Variants in ORC5 observed in about 807,000 individuals in gnomAD.
ORC5 encodes protein phosphatase 1, regulatory subunit 117.
ORC5 carries 39 observed loss-of-function variants against 58.8 expected under a neutral mutation model. That is an observed-to-expected ratio of 0.66 (90% CI 0.51 to 0.87). ORC5 has a LOEUF of 0.87. Ranked by LOEUF, ORC5 falls within the 40% of genes least tolerant of loss-of-function variation. The probability of loss-of-function intolerance (pLI) is 0.00; values close to 1 mark genes in which losing one functional copy is unlikely to be tolerated. For missense variants in ORC5, 493 were observed against 506.3 expected, an observed-to-expected ratio of 0.97 and a Z score of 0.25; for synonymous variants, 218 against 177.6, an observed-to-expected ratio of 1.23 and a Z score of -1.81.
At chr7:104,188,637 G>A (rs1219502929) in intron 5 of ORC5, among the ~76,000 whole-genome samples, 2 of 152,122 alleles carry the variant, frequency 1.3e-5, no homozygotes, top group African/African-American at 2.4e-5. Context: ...AAGGATAAGA[G>A]GAGTATCTTT....
intron 8 of ORC5, among the ~76,000 whole-genome samples, chr7:104,181,420 CTCTTTA>C (rs150096194): frequency 0.015 from 2,245 of 152,146 alleles, 56 homozygotes; most frequent in African/African-American, 0.051. Flanking sequence ...AATTTGCTCT[CTCTTTA>C]TAACAGGATA....
intron 2 of ORC5, chr7:104,202,320 A>G (rs1469945565): frequency 4.7e-6 from 1 of 214,200 alleles, no homozygotes; most frequent in Non-Finnish European, 9.8e-6. Context: ...ACTTTATCCA[A>G]TAAGGAGGCT....
rs551907249 is a variant in ORC5, at chr7:104,184,403, G to A, written c.685-232C>T. The A allele has an allele frequency of 7.0e-5, 32 of 458,752 alleles. No individual in the cohort carries two copies. The East Asian group carries it at 1.1e-3, about 16-fold the overall frequency. 28.4% of individuals were successfully genotyped at this position (458,752 alleles called of 1,614,324 possible). ...ATCAAGCCTGTAGTGTGCTGTGACT[G>A]CACCTGTGAACAGCCACTGCACTCC... is the stretch of plus-strand genomic sequence containing the variant. On this transcript the variant is annotated intron_variant, in intron 6 of 13. Transcript: ENST00000297431.
rs34769476 is a variant in ORC5 at position 104,179,109 on chromosome 7, ATTTTTT to A, written c.824+4828_824+4833del. On this transcript the variant is annotated intron_variant, in intron 8 of 13. Transcript: ENST00000297431. Reference sequence around the variant, plus strand: ...AAAAGAAGGTTAAAAAGAAAAGTGAATTTTTTTTTTTTTTTTTTTTTAAGAGACAGG... The same window carrying A: ...AAAAGAAGGTTAAAAAGAAAAGTGAATTTTTTTTTTTTTTTAAGAGACAGG... Among the ~76,000 whole-genome samples, 3 of 138,446 alleles carry A rather than the reference ATTTTTT, an allele frequency of 2.2e-5. No individual in the cohort carries two copies. In the South Asian group the frequency reaches 6.9e-4, roughly 32 times the overall value. 90.8% of individuals were successfully genotyped at this position (138,446 alleles called of 152,430 possible). A position where few individuals can be genotyped will look rare whatever the true frequency, so the allele number is the denominator to read the frequency against.
At chr7:104,147,106 C>A (rs779036236) in intron 12 of ORC5, among the ~76,000 whole-genome samples, 13 of 152,064 alleles carry the variant, frequency 8.5e-5, no homozygotes, top group Non-Finnish European at 1.5e-4. Flanking sequence ...AGCTATGAAG[C>A]TAAAAAAATC....
At chr7:104,152,212 A>C (rs1453334383) in intron 12 of ORC5, among the ~76,000 whole-genome samples, 1 of 152,120 alleles carries the variant, frequency 6.6e-6, no homozygotes, top group Non-Finnish European at 1.5e-5. Flanking sequence ...GCAGTGGTAC[A>C]ATCACAGCCC....
intron 12 of ORC5, among the ~76,000 whole-genome samples, chr7:104,149,642 A>T (rs1798814038): frequency 6.6e-6 from 1 of 152,090 alleles, no homozygotes; most frequent in Admixed American, 6.5e-5. Flanking sequence ...AAAAATTGTT[A>T]TTTTTTTGTC....
Position 104,200,829 on chromosome 7 carries a change from A to G in ORC5, c.295T>C (p.Phe99Leu). The change falls in exon 3 of 14, where the codon TTT becomes CTT. Residue 99 changes from phenylalanine (F) to leucine (L), a missense_variant. By Grantham distance (22) the Phe-to-Leu change is conservative. This residue lies in a region of ORC5 where 412 missense variants were observed against 403.7 expected (regional missense o/e 1.02). Transcript: ENST00000297431. ...TTAAACAAGCGAACAAAGTCATTAAATGTTTCACAGGTTATTTCAGTAGAA... is the reference window on the plus strand; with the variant it reads ...TTAAACAAGCGAACAAAGTCATTAAGTGTTTCACAGGTTATTTCAGTAGAA... ...GCSTEITCETFNDFVRLFKQV... is the reference protein window; with the variant it reads ...GCSTEITCETLNDFVRLFKQV... 1 of 1,613,284 alleles carries G rather than the reference A, an allele frequency of 6.2e-7. No homozygotes were observed. The highest frequency in any genetic ancestry group is 8.5e-7 in the Non-Finnish European group (1 of 1,179,264).
intron 9 of ORC5, 158 bp downstream of exon 9, chr7:104,168,315 A>G: frequency 4.1e-6 from 5 of 1,229,218 alleles, no homozygotes; most frequent in Non-Finnish European, 5.2e-6. Flanking sequence ...GCTTCAGTTA[A>G]AGAAAAATCA....
rs913588656 is a variant in ORC5, at chr7:104,129,928, T to A, written c.1263-3035A>T. The stretch of plus-strand genomic sequence containing the variant: ...GTTAATACAACTTAATTATATGGCA[T>A]ATATTTAAGGATTTAATTTTGCCTT... On this transcript the variant is annotated intron_variant, in intron 13 of 13. Transcript: ENST00000297431. The surrounding 1 kb of genome is among the most constrained non-coding windows in gnomAD (Gnocchi z 4.9). Among the ~76,000 whole-genome samples the A allele has an allele frequency of 6.6e-6, 1 of 152,244 alleles. No homozygotes were observed. Among genetic ancestry groups the A allele is most frequent in the Admixed American group, 6.5e-5 (1 of 15,290 alleles).
chr7:104,195,792 TATG>T (rs1584521726), intron 4 of ORC5, among the ~76,000 whole-genome samples: 1 of 152,352 alleles, frequency 6.6e-6, no homozygotes, highest in East Asian at 1.9e-4. Flanking sequence ...GCTATAAAAA[TATG>T]ATTATCTAAA....
chr7:104,168,581 G>T, intron 8 of ORC5, 56 bp from the exon 9 acceptor site: 1 of 1,194,872 alleles, frequency 8.4e-7, no homozygotes. Context: ...TCAATATGGT[G>T]TACTTAAAAC....
At chr7:104,171,101 T>G (rs183538976) in intron 8 of ORC5, among the ~76,000 whole-genome samples, 1 of 152,200 alleles carries the variant, frequency 6.6e-6, no homozygotes, top group Admixed American at 6.5e-5. Context: ...CTTTGTCCAT[T>G]TATTCTAAGT....
chr7:104,159,193 T>C (rs1038131745), intron 12 of ORC5, among the ~76,000 whole-genome samples: 6 of 149,810 alleles, frequency 4.0e-5, no homozygotes, highest in African/African-American at 1.5e-4. Context: ...TGGATGAAAT[T>C]TGAAATCATC....
Position 104,168,492 on chromosome 7 carries a change from T to C in ORC5, c.858A>G (p.Thr286=), listed in dbSNP as rs371946737. ...TGATACCTTTCAGTTGCCCCGGATC[T>C]GTGTCATCTTTCTGTAGCTTTTCCC... ...SQWEKLQKDD[T]DPGQLKGLSA... is the part of the protein sequence containing the mutation. The change falls in exon 9 of 14, where the codon ACA becomes ACG. Residue 286 remains threonine, a synonymous_variant. Transcript: ENST00000297431. 2.4e-5 allele frequency: 38 copies of C among 1,591,862 alleles called. No homozygotes were observed. Among genetic ancestry groups the C allele is most frequent in the Middle Eastern group, 3.3e-4 (2 of 6,032 alleles).
In ORC5 at chr7:104,184,184, A is replaced by G. The variant is rs1799494047; in HGVS notation, c.685-13T>C. 10 of 1,452,348 alleles carry G rather than the reference A, an allele frequency of 6.9e-6. No individual in the cohort carries two copies. Among genetic ancestry groups the G allele is most frequent in the Admixed American group, 6.6e-5 (3 of 45,668 alleles). 90.0% of individuals were successfully genotyped at this position (1,452,348 alleles called of 1,614,324 possible). On this transcript the variant is annotated splice_polypyrimidine_tract_variant and intron_variant, in intron 6 of 13. Transcript: ENST00000297431. ...AATTAAGTACTGCCTGTAAGTAAAGAAAAAAAAAGAGAAGAAAAAAAGCAC... is the reference window on the plus strand; with the variant it reads ...AATTAAGTACTGCCTGTAAGTAAAGGAAAAAAAAGAGAAGAAAAAAAGCAC...
intron 13 of ORC5, among the ~76,000 whole-genome samples, chr7:104,135,418 C>CAAAA (rs1044283893): frequency 6.6e-6 from 1 of 152,070 alleles, no homozygotes; most frequent in Non-Finnish European, 1.5e-5. Context: ...CTATATGCCA[C>CAAAA]AAAAATGTGG....
intron 6 of ORC5, chr7:104,184,516 C>T (rs1799502862): frequency 4.8e-6 from 1 of 207,740 alleles, no homozygotes. Flanking sequence ...AGCAAAAATA[C>T]TAATAATGAC....
At chr7:104,139,315 T>C (rs1381279516) in intron 12 of ORC5, among the ~76,000 whole-genome samples, 4 of 152,196 alleles carry the variant, frequency 2.6e-5, no homozygotes, top group African/African-American at 9.6e-5. Flanking sequence ...TTATTCCTCA[T>C]TACCTTCATG....
Sources: gnomAD v4.1 joint callset for allele counts (sites outside exome capture counted in the v4.1 genomes callset) on GRCh38, gnomAD v4.1.1 for gene constraint, gnomAD v4.1.1 regional missense constraint, Gnocchi (gnomAD v3.1) non-coding constraint, MANE v1.5 for transcripts, NCBI Gene and HGNC (gene_info 2026-07-23, HGNC 2026-07-21) for gene names.